THSD4: variants seen among roughly 807,000 people sequenced by gnomAD.
THSD4 encodes the protein thrombospondin type 1 domain containing 4, also known as thrombospondin type-1 domain-containing protein 4.
A neutral mutation model predicts 119.0 loss-of-function variants in THSD4; 69 were observed. The observed-to-expected ratio is 0.58, with a 90% CI of 0.48 to 0.71. The LOEUF (loss-of-function observed/expected upper bound fraction) is 0.71, where lower values mean the gene tolerates loss of function less well. THSD4 is among the 30% of genes least tolerant of loss of function. The pLI, the probability that THSD4 is intolerant of heterozygous loss-of-function variation, is 0.00. For missense variants in THSD4, 1,393 were observed against 1,391.1 expected, an observed-to-expected ratio of 1.00 and a Z score of -0.02; for synonymous variants, 524 against 540.4, an observed-to-expected ratio of 0.97 and a Z score of 0.42.
intron 3 of THSD4, chr15:71,165,541 A>C: frequency 1.4e-6 from 1 of 713,708 alleles, no homozygotes; most frequent in Non-Finnish European, 2.4e-6. Flanking sequence ...AATTTTATGG[A>C]TTAACTTTCA....
rs977966349 is a variant in THSD4 at position 71,705,289 on chromosome 15, G to A, written c.1358-23260G>A. Among the ~76,000 whole-genome samples, 10 of 152,320 alleles carry A rather than the reference G, an allele frequency of 6.6e-5. No individual in the cohort carries two copies. In the South Asian group the frequency reaches 1.9e-3, roughly 28 times the overall value. On this transcript the variant is annotated intron_variant, in intron 8 of 17. Transcript: ENST00000261862. ...ATTTTGAGGACAGGCTGAGCCCTGT[G>A]TGTGGAGAGGAAGAGCAAGGCGGGC...
intron 7 of THSD4, among the ~76,000 whole-genome samples, chr15:71,508,483 G>A (rs918805588): frequency 6.6e-5 from 10 of 152,170 alleles, no homozygotes; most frequent in Admixed American, 6.5e-4. Flanking sequence ...AATCCCCAGA[G>A]GCAAGGGCCA....
At chr15:71,139,681 C>A (rs1482673882) in intron 1 of THSD4, among the ~76,000 whole-genome samples, 1 of 152,212 alleles carries the variant, frequency 6.6e-6, no homozygotes, top group Non-Finnish European at 1.5e-5. Context: ...TTCTTTTTCC[C>A]TGAGAATGGA....
intron 8 of THSD4, among the ~76,000 whole-genome samples, chr15:71,718,442 G>C (rs1441677958): frequency 6.6e-6 from 1 of 152,162 alleles, no homozygotes. Flanking sequence ...CCATGGGCTG[G>C]GAGAGGCATG....
At chr15:71,118,769 A>G (rs1254924550) in intron 1 of THSD4, among the ~76,000 whole-genome samples, 1 of 152,246 alleles carries the variant, frequency 6.6e-6, no homozygotes, top group Admixed American at 6.5e-5. Flanking sequence ...AATGGATTAA[A>G]AATGTTATGC....
chr15:71,218,294 C>T (rs1313864840), intron 4 of THSD4, among the ~76,000 whole-genome samples: 1 of 152,174 alleles, frequency 6.6e-6, no homozygotes, highest in African/African-American at 2.4e-5. Flanking sequence ...ACCCCCAGAT[C>T]CCTGCAGTAC....
chr15:71,583,025 T>C (rs367915785), intron 7 of THSD4, among the ~76,000 whole-genome samples: 2 of 152,270 alleles, frequency 1.3e-5, no homozygotes, highest in East Asian at 3.9e-4. Context: ...TTTAAAGGTT[T>C]GGTAGAATTC....
At chr15:71,147,297 T>C (rs2040672202) in intron 2 of THSD4, among the ~76,000 whole-genome samples, 1 of 152,170 alleles carries the variant, frequency 6.6e-6, no homozygotes, top group South Asian at 2.1e-4. Flanking sequence ...CTCAAATGCC[T>C]GGGCTCAAAC....
intron 1 of THSD4, among the ~76,000 whole-genome samples, chr15:71,097,904 G>C (rs906230410): frequency 1.3e-5 from 2 of 151,862 alleles, no homozygotes; most frequent in African/African-American, 4.8e-5. Flanking sequence ...CAATTATCTA[G>C]GTATGAGCGT....
Position 71,782,557 on chromosome 15 carries a change from G to T in THSD4, c.*5183G>T, listed in dbSNP as rs2054014290. 2 of 152,168 alleles carry T rather than the reference G, an allele frequency of 1.3e-5. No individual in the cohort carries two copies. Among genetic ancestry groups the T allele is most frequent in the African/African-American group, 4.8e-5 (2 of 41,424 alleles). 9.4% of individuals were successfully genotyped at this position (152,168 alleles called of 1,614,324 possible). A position where few individuals can be genotyped will look rare whatever the true frequency, so the allele number is the denominator to read the frequency against. ...GTGTTAATTTTAAAGGGACCTGATAGGTATTTATTTACATATGCGATCCAC... is the reference window on the plus strand; with the variant it reads ...GTGTTAATTTTAAAGGGACCTGATATGTATTTATTTACATATGCGATCCAC... On this transcript the variant is annotated 3_prime_UTR_variant, in exon 18 of 18. Coordinates refer to ENST00000261862, the MANE Select transcript of THSD4 (RefSeq NM_024817.3).
In THSD4 at chr15:71,746,872, A is replaced by C; in HGVS notation, c.2071A>C (p.Thr691Pro). The part of the protein sequence containing the change: ...DIGEWSECSK[T>P]CGLGMQHRQV... ...CGGGGAGTGGTCTGAGTGCAGCAAG[A>C]CCTGTGGCCTGGGCATGCAGCACCG... is the stretch of plus-strand genomic sequence containing the variant. Residue 691 changes from threonine (T) to proline (P), a missense_variant, in exon 13 of 18, where the codon ACC becomes CCC. Physicochemically the swap from Thr to Pro is conservative, Grantham distance 38. Coordinates refer to ENST00000261862, the MANE Select transcript of THSD4 (RefSeq NM_024817.3). The C allele has an allele frequency of 3.7e-6, 6 of 1,614,018 alleles. No homozygotes were observed. Among genetic ancestry groups the C allele is most frequent in the Non-Finnish European group, 5.1e-6 (6 of 1,180,010 alleles).
At chr15:71,626,334 T>C (rs976155686) in intron 7 of THSD4, among the ~76,000 whole-genome samples, 1 of 152,228 alleles carries the variant, frequency 6.6e-6, no homozygotes, top group Non-Finnish European at 1.5e-5. Flanking sequence ...CTGTGTGTTA[T>C]TGCACTTATA....
intron 6 of THSD4, among the ~76,000 whole-genome samples, chr15:71,297,552 T>A (rs1481486131): frequency 6.6e-6 from 1 of 152,154 alleles, no homozygotes; most frequent in Non-Finnish European, 1.5e-5. Context: ...GTCAGGCTGG[T>A]CTTGAACTCC....
chr15:71,661,063 A>T (rs1057203566), intron 8 of THSD4, among the ~76,000 whole-genome samples: 1 of 152,228 alleles, frequency 6.6e-6, no homozygotes, highest in Admixed American at 6.5e-5. Context: ...AAGCGCGGAG[A>T]CCAGCCAGTG....
chr15:71,380,669 T>C (rs1283545996), intron 6 of THSD4, among the ~76,000 whole-genome samples: 3 of 152,242 alleles, frequency 2.0e-5, no homozygotes, highest in Non-Finnish European at 2.9e-5. Context: ...TTGGTTTTGA[T>C]GGCAATCAAG....
chr15:71,452,030 TAGCTCA>T (rs1204491699), intron 7 of THSD4, among the ~76,000 whole-genome samples: 79 of 152,278 alleles, frequency 5.2e-4, no homozygotes, highest in African/African-American at 1.8e-3. Context: ...CCCTCCTTAC[TAGCTCA>T]AGCTCAAGCT....
At chr15:71,109,119 A>C (rs1430302742) in intron 1 of THSD4, among the ~76,000 whole-genome samples, 1 of 152,262 alleles carries the variant, frequency 6.6e-6, no homozygotes, top group Non-Finnish European at 1.5e-5. Context: ...GGTCCTGAAC[A>C]CTGATCCTGT....
chr15:71,530,499 T>C (rs898086540), intron 7 of THSD4, among the ~76,000 whole-genome samples: 16 of 152,196 alleles, frequency 1.1e-4, no homozygotes, highest in African/African-American at 3.9e-4. Context: ...TGAGTTTTTA[T>C]GACACACTAC....
chr15:71,441,868 C>T (rs1179772712), intron 7 of THSD4, among the ~76,000 whole-genome samples: 1 of 152,074 alleles, frequency 6.6e-6, no homozygotes, highest in Non-Finnish European at 1.5e-5. Context: ...TTCAATGAGA[C>T]GGTGCATAAA....
Sources: allele counts gnomAD v4.1 joint callset (sites outside exome capture counted in the v4.1 genomes callset), GRCh38; gene constraint gnomAD v4.1.1; transcripts MANE v1.5; gene names NCBI Gene and HGNC (gene_info 2026-07-23, HGNC 2026-07-21).